Variants in ACTR3C observed in about 807,000 individuals in gnomAD.
ACTR3C encodes actin related protein 3C.
Under a neutral mutation model 26.3 loss-of-function variants are expected in ACTR3C, and 18 were observed. The ratio of observed to expected loss-of-function variants is 0.68; its 90% confidence interval spans 0.47 to 1.01. The LOEUF (loss-of-function observed/expected upper bound fraction) is 1.01, where lower values mean the gene tolerates loss of function less well. ACTR3C is among the 50% of genes least tolerant of loss of function. The pLI is 0.00. For missense variants in ACTR3C, 184 were observed against 250.7 expected (o/e 0.73, Z 1.80); for synonymous variants, 55 against 94.5 (o/e 0.58, Z 2.42).
intron 6 of ACTR3C, among the ~76,000 whole-genome samples, chr7:150,275,532 G>A (rs553903111): frequency 1.1e-4 from 17 of 152,252 alleles, no homozygotes; most frequent in African/African-American, 1.9e-4. Flanking sequence ...CCAACATGGC[G>A]AAACCCCGTC....
At chr7:150,053,868 A>C in the ACTR3C span, among the ~76,000 whole-genome samples, 1 of 152,242 alleles carries the variant, frequency 6.6e-6, no homozygotes, top group Non-Finnish European at 1.5e-5. Context: ...GTGCATCTGG[A>C]CTAAGATTTA....
the ACTR3C span, among the ~76,000 whole-genome samples, chr7:150,186,341 T>C: frequency 6.6e-6 from 1 of 152,186 alleles, no homozygotes; most frequent in Non-Finnish European, 1.5e-5. Context: ...ATTCATTCTT[T>C]AGCAGTTTGA....
the ACTR3C span, among the ~76,000 whole-genome samples, chr7:149,937,953 G>A: frequency 2.6e-5 from 4 of 152,102 alleles, no homozygotes; most frequent in Non-Finnish European, 4.4e-5. Flanking sequence ...GCGGGGAATG[G>A]GAGGAGGCTC....
At chr7:150,038,388 G>C in the ACTR3C span, among the ~76,000 whole-genome samples, 1 of 141,742 alleles carries the variant, frequency 7.1e-6, no homozygotes, top group Admixed American at 6.8e-5. Flanking sequence ...TGTCAGGTCG[G>C]GTGGGCTGCC....
chr7:150,308,630 C>T (rs770714350), intron 1 of ACTR3C, among the ~76,000 whole-genome samples: 12 of 152,036 alleles, frequency 7.9e-5, no homozygotes, highest in Non-Finnish European at 1.6e-4. Context: ...TCTGCAGACC[C>T]CTCTGACCTC....
chr7:150,314,771 C>CA (rs763541852), intron 1 of ACTR3C, among the ~76,000 whole-genome samples: 192 of 90,256 alleles, frequency 2.1e-3, no homozygotes, highest in East Asian at 0.012. Context: ...CCCATCTCTC[C>CA]AAAAAAAAAA....
chr7:150,125,939 A>AG, the ACTR3C span, among the ~76,000 whole-genome samples: 1 of 152,204 alleles, frequency 6.6e-6, no homozygotes, highest in African/African-American at 2.4e-5. Context: ...GTCCTGCTGC[A>AG]GGCTCGGTTC....
chr7:150,019,965 G>A, the ACTR3C span, among the ~76,000 whole-genome samples: 1 of 152,098 alleles, frequency 6.6e-6, no homozygotes, highest in African/African-American at 2.4e-5. Context: ...AGAGGTGGAC[G>A]CTGGCTTCTT....
the ACTR3C span, among the ~76,000 whole-genome samples, chr7:150,039,391 C>A: frequency 0.026 from 1,086 of 41,116 alleles, 11 homozygotes; most frequent in Middle Eastern, 0.043. Context: ...CCTAAGAACC[C>A]GGGGGGGAAG....
At chr7:150,170,488 G>T in the ACTR3C span, among the ~76,000 whole-genome samples, 1 of 150,392 alleles carries the variant, frequency 6.6e-6, no homozygotes, top group Non-Finnish European at 1.5e-5. Flanking sequence ...GCTGACCAGA[G>T]ATTTTACTGT....
the ACTR3C span, among the ~76,000 whole-genome samples, chr7:150,050,155 C>T: frequency 2.0e-5 from 3 of 152,126 alleles, no homozygotes; most frequent in Admixed American, 1.3e-4. Context: ...TGCTATTCAC[C>T]GCAGCATCGC....
At chr7:150,245,076 C>T (rs1168894938), downstream of ACTR3C, 2 of 152,182 alleles carry the variant, frequency 1.3e-5, no homozygotes, top group Non-Finnish European at 2.9e-5. Context: ...GTAGCAACTG[C>T]CCTCTTTCAA....
chr7:150,097,427 A>G, the ACTR3C span, among the ~76,000 whole-genome samples: 1 of 151,574 alleles, frequency 6.6e-6, no homozygotes, highest in Non-Finnish European at 1.5e-5. Context: ...TTTGGATGCT[A>G]TCCTGCAGCC....
At chr7:150,163,562 T>C in the ACTR3C span, among the ~76,000 whole-genome samples, 1 of 151,888 alleles carries the variant, frequency 6.6e-6, no homozygotes, top group African/African-American at 2.4e-5. Context: ...ATAATACATA[T>C]ATATATGGAG....
At chr7:150,194,851 T>C in the ACTR3C span, among the ~76,000 whole-genome samples, 3 of 152,120 alleles carry the variant, frequency 2.0e-5, no homozygotes, top group Non-Finnish European at 2.9e-5. Context: ...CCCAGCACTT[T>C]AGAAGGCCAA....
the ACTR3C span, among the ~76,000 whole-genome samples, chr7:149,990,929 C>T: frequency 2.6e-4 from 39 of 152,282 alleles, no homozygotes; most frequent in African/African-American, 7.9e-4. Context: ...GACCGGAAAG[C>T]GAGTCGGGGC....
At chr7:149,900,999 C>T in the ACTR3C span, among the ~76,000 whole-genome samples, 2 of 152,216 alleles carry the variant, frequency 1.3e-5, no homozygotes, top group Non-Finnish European at 2.9e-5. Flanking sequence ...CACCACTGCA[C>T]TCCAGCCTGG....
the ACTR3C span, among the ~76,000 whole-genome samples, chr7:149,907,950 C>A: frequency 5.3e-5 from 8 of 151,858 alleles, 1 homozygote; most frequent in Admixed American, 3.9e-4. Flanking sequence ...TGGACTGAAC[C>A]ATGTCCCCAC....
In ACTR3C at chr7:150,257,897, G is replaced by T. The variant is rs574241290; in HGVS notation, c.565-8843C>A. On this transcript the variant is annotated intron_variant, in intron 6 of 7. Transcript: ENST00000683684. ...GGTGGTGGCTCTTCTGGTGGTTGGA[G>T]AGGCAGTCAAAGGAGTCCACTCAAC... Among the ~76,000 whole-genome samples the T allele has an allele frequency of 5.5e-4, 84 of 152,114 alleles. 2 individuals are homozygous for T. The East Asian group carries it at 0.014, about 26-fold the overall frequency.
Sources: gnomAD v4.1 joint callset for allele counts (sites outside exome capture counted in the v4.1 genomes callset) on GRCh38, gnomAD v4.1.1 for gene constraint, MANE v1.5 for transcripts, NCBI Gene and HGNC (gene_info 2026-07-23, HGNC 2026-07-21) for gene names.